Variants in SLC4A1 observed in about 807,000 individuals in gnomAD.
SLC4A1 encodes band 3 anion transport protein.
SLC4A1 carries 29 observed loss-of-function variants against 93.1 expected under a neutral mutation model. The ratio of observed to expected loss-of-function variants is 0.31; its 90% confidence interval spans 0.23 to 0.42. SLC4A1 has a LOEUF of 0.42. SLC4A1 is among the 20% of genes least tolerant of loss of function. SLC4A1 has a pLI of 1.00. For missense variants in SLC4A1, 965 were observed against 1,190.1 expected (o/e 0.81, Z 2.78); for synonymous variants, 469 against 497.2 (o/e 0.94, Z 0.76).
Position 44,249,051 on chromosome 17 carries a change from G to A in SLC4A1, c.*1407C>T, listed in dbSNP as rs1280609035. On this transcript the variant is annotated 3_prime_UTR_variant, in exon 20 of 20. Transcript: ENST00000262418. ...TAATTTTTGTATTTTTAGTAGTAAC[G>A]GGGTTTCACCATGTTGGCCAGGCTG... The A allele has an allele frequency of 6.9e-5, 25 of 361,064 alleles. No individual in the cohort carries two copies. Among genetic ancestry groups the A allele is most frequent in the Non-Finnish European group, 1.1e-5 (2 of 184,302 alleles). The allele number at this position is 361,064 out of a possible 1,614,324, so 22.4% of individuals were successfully genotyped here. A position where few individuals can be genotyped will look rare whatever the true frequency, so the allele number is the denominator to read the frequency against.
intron 3 of SLC4A1, 121 bp from the exon 4 acceptor site, chr17:44,261,757 G>C: frequency 6.4e-7 from 1 of 1,560,018 alleles, no homozygotes. Flanking sequence ...AGTGCCCTGG[G>C]CTGGGTCTCT....
At chr17:44,257,837 G>A in intron 11 of SLC4A1, 30 bp from the exon 12 acceptor site, 1 of 1,612,946 alleles carries the variant, frequency 6.2e-7, no homozygotes, top group African/African-American at 1.3e-5. Flanking sequence ...TGGGATCAAG[G>A]TCAGGAGATC....
chr17:44,262,788 G>A, intron 2 of SLC4A1, 62 bp from the exon 3 acceptor site: 2 of 1,608,972 alleles, frequency 1.2e-6, no homozygotes, highest in Non-Finnish European at 1.7e-6. Flanking sequence ...ACGAAGATAG[G>A]AGTCTAGGAC....
rs145054469 is a variant in SLC4A1, at chr17:44,260,707, C to A, written c.277G>T (p.Ala93Ser). The change falls in exon 5 of 20, where the codon GCC (alanine) becomes TCC (serine). Residue 93 changes from alanine to serine, a missense_variant. Ala to Ser is a moderately conservative substitution (Grantham distance 99, BLOSUM62 1). Transcript: ENST00000262418. The stretch of plus-strand genomic sequence containing the variant: ...TGAGAGAGGTGCGGGCGGCCCCAGG[C>A]CCCATTCTCCCCCAGGTTCTCCTCC... ...QLEENLGENG[A>S]WGRPHLSHLT... 3.9e-5 allele frequency: 63 copies of A among 1,614,036 alleles called. No homozygotes were observed. In the African/African-American group the frequency reaches 8.0e-4, roughly 21 times the overall value.
At position 44,260,675 on chromosome 17, in the gene SLC4A1, G is replaced by A. The variant is rs922293633; in HGVS notation, c.309C>T (p.Thr103=). The change falls in exon 5 of 20, where the codon ACC becomes ACT. Residue 103 remains threonine, a synonymous_variant. Coordinates refer to ENST00000262418, the MANE Select transcript of SLC4A1 (RefSeq NM_000342.4). The part of the protein sequence containing the change: ...AWGRPHLSHL[T]FWSLLELRRV... The stretch of plus-strand genomic sequence containing the variant: ...TACGCAGCTCTAGGAGGCTCCAGAA[G>A]GTGAGGTGAGAGAGGTGCGGGCGGC... 1 of 1,614,206 alleles carries A rather than the reference G, an allele frequency of 6.2e-7. No individual in the cohort carries two copies. Among genetic ancestry groups the A allele is most frequent in the Non-Finnish European group, 8.5e-7 (1 of 1,180,032 alleles).
rs769868744 is a variant in SLC4A1, at chr17:44,258,068, T to A, written c.1200A>T (p.Ala400=). Residue 400 remains alanine, a synonymous_variant, in exon 11 of 20, where the codon GCA becomes GCT. Transcript: ENST00000262418. The surrounding 1 kb of genome is among the most constrained non-coding windows in gnomAD (Gnocchi z 6.1). The part of the protein sequence containing the change: ...YPYYLSDITD[A]FSPQVLAAVI... ...CGGCAGCCAGGACCTGGGGGCTGAA[T>A]GCATCTGTGATGTCACTCAGGTAAT... 2 of 1,613,996 alleles carry A rather than the reference T, an allele frequency of 1.2e-6. No individual in the cohort carries two copies. Among genetic ancestry groups the A allele is most frequent in the Non-Finnish European group, 8.5e-7 (1 of 1,179,990 alleles).
intron 3 of SLC4A1, chr17:44,262,119 C>A: frequency 9.8e-7 from 1 of 1,019,428 alleles, no homozygotes. Flanking sequence ...CACCCCCAGC[C>A]CTCATTTCCA....
chr17:44,266,503 A>C (rs2047496946), intron 1 of SLC4A1, among the ~76,000 whole-genome samples: 1 of 152,156 alleles, frequency 6.6e-6, no homozygotes, highest in Non-Finnish European at 1.5e-5. Context: ...GACTGGCTGA[A>C]GGGCCTTGGG....
At chr17:44,262,567 C>G in intron 3 of SLC4A1, 69 bp downstream of exon 3, 1 of 1,165,910 alleles carries the variant, frequency 8.6e-7, no homozygotes, top group Non-Finnish European at 1.3e-6. Flanking sequence ...GGGGAGAGGA[C>G]AAGTGCCCCT....
chr17:44,264,486 A>G (rs2047478845), intron 1 of SLC4A1, among the ~76,000 whole-genome samples: 2 of 152,156 alleles, frequency 1.3e-5, no homozygotes, highest in South Asian at 2.1e-4. Context: ...AAAAAAACCA[A>G]TACGTGGTTT....
Position 44,250,088 on chromosome 17 carries a change from T to G in SLC4A1, c.*370A>C, listed in dbSNP as rs1598294472. 3.2e-6 allele frequency: 1 copy of G among 315,218 alleles called. No individual in the cohort carries two copies. The highest frequency in any genetic ancestry group is 6.2e-6 in the Non-Finnish European group (1 of 161,764). 19.5% of individuals were successfully genotyped at this position (315,218 alleles called of 1,614,324 possible). ...GAAAGGTCAAGGGACTTGCCCAAGGTCACACAGCAAGCACCCCACCCGCTC... is the reference window on the plus strand; with the variant it reads ...GAAAGGTCAAGGGACTTGCCCAAGGGCACACAGCAAGCACCCCACCCGCTC... On this transcript the variant is annotated 3_prime_UTR_variant, in exon 20 of 20. Transcript: ENST00000262418.
At chr17:44,254,204 G>C (rs1482742200) in intron 16 of SLC4A1, among the ~76,000 whole-genome samples, 1 of 152,062 alleles carries the variant, frequency 6.6e-6, no homozygotes. Context: ...TCGAACTCCT[G>C]ACCTCAGGTG....
chr17:44,260,539 C>G lies in SLC4A1; in HGVS notation c.350G>C (p.Gly117Ala). The change falls in exon 6 of 20, where the codon GGT (glycine) becomes GCT (alanine). Residue 117 changes from glycine (G) to alanine (A), a missense_variant and splice_region_variant. Transcript: ENST00000262418. ...CTCTTGCAGGTCTAGGAGGACAGTA[C>G]CTGCAGGCAGTGGAGGAGTGAGCTG... ...LLELRRVFTK[G>A]TVLLDLQETS... is the part of the protein sequence containing the mutation. 6.2e-7 allele frequency: 1 copy of G among 1,614,158 alleles called. No individual in the cohort carries two copies. Among genetic ancestry groups the G allele is most frequent in the East Asian group, 2.2e-5 (1 of 44,890 alleles).
At chr17:44,263,066 G>T in intron 1 of SLC4A1, 132 bp from the exon 2 acceptor site, 1 of 734,998 alleles carries the variant, frequency 1.4e-6, no homozygotes, top group Admixed American at 2.1e-5. Flanking sequence ...AAGGAAGTGT[G>T]GAGGGAAAGG....
In SLC4A1 at chr17:44,260,681, G is replaced by A. The variant is rs1224657198; in HGVS notation, c.303C>T (p.His101=). 3 of 1,614,082 alleles carry A rather than the reference G, an allele frequency of 1.9e-6. No individual in the cohort carries two copies. Among genetic ancestry groups the A allele is most frequent in the East Asian group, 4.5e-5 (2 of 44,892 alleles). Residue 101 remains histidine (H), a synonymous_variant, in exon 5 of 20, where the codon CAC becomes CAT. Coordinates refer to ENST00000262418, the MANE Select transcript of SLC4A1 (RefSeq NM_000342.4). ...GCTCTAGGAGGCTCCAGAAGGTGAGGTGAGAGAGGTGCGGGCGGCCCCAGG... is the reference window on the plus strand; with the variant it reads ...GCTCTAGGAGGCTCCAGAAGGTGAGATGAGAGAGGTGCGGGCGGCCCCAGG... The part of the protein sequence containing the change: ...NGAWGRPHLS[H]LTFWSLLELR...
chr17:44,266,950 G>T (rs1309249347), intron 1 of SLC4A1, among the ~76,000 whole-genome samples: 1 of 152,240 alleles, frequency 6.6e-6, no homozygotes, highest in Non-Finnish European at 1.5e-5. Flanking sequence ...ACTGCACAAA[G>T]AACTGTACTG....
Position 44,258,026 on chromosome 17 carries a change from A to G in SLC4A1, c.1242T>C (p.Phe414=), listed in dbSNP as rs2144614043. The G allele has an allele frequency of 6.2e-7, 1 of 1,614,116 alleles. No individual in the cohort carries two copies. Among genetic ancestry groups the G allele is most frequent in the Non-Finnish European group, 8.5e-7 (1 of 1,180,022 alleles). The change falls in exon 11 of 20, where the codon TTT becomes TTC. Residue 414 remains phenylalanine (F), a synonymous_variant. Transcript: ENST00000262418. The surrounding 1 kb of genome is among the most constrained non-coding windows in gnomAD (Gnocchi z 6.1). The part of the protein sequence containing the change: ...QVLAAVIFIY[F]AALSPAITFG... ...AGGTGATGGCGGGTGACAGTGCAGCAAAGTAGATGAAGATGACGGCAGCCA... is the reference window on the plus strand; with the variant it reads ...AGGTGATGGCGGGTGACAGTGCAGCGAAGTAGATGAAGATGACGGCAGCCA...
chr17:44,256,733 T>C (rs1193770352), intron 13 of SLC4A1, among the ~76,000 whole-genome samples: 3 of 152,232 alleles, frequency 2.0e-5, no homozygotes, highest in Non-Finnish European at 4.4e-5. Flanking sequence ...GAACTGGACA[T>C]GTGCACACAG....
chr17:44,261,437 G>T, intron 4 of SLC4A1, 138 bp downstream of exon 4: 1 of 1,442,464 alleles, frequency 6.9e-7, no homozygotes, highest in East Asian at 2.4e-5. Context: ...CCTGTTTCCT[G>T]GGATCCTCAC....
Sources: gnomAD v4.1 joint callset for allele counts (sites outside exome capture counted in the v4.1 genomes callset) on GRCh38, gnomAD v4.1.1 for gene constraint, Gnocchi (gnomAD v3.1) non-coding constraint, MANE v1.5 for transcripts, NCBI Gene and HGNC (gene_info 2026-07-23, HGNC 2026-07-21) for gene names.